Variants in SLC24A2 observed in about 807,000 individuals in gnomAD.
The protein encoded by SLC24A2 is solute carrier family 24 member 2.
SLC24A2 carries 36 observed loss-of-function variants against 62.0 expected under a neutral mutation model. The observed-to-expected ratio is 0.58, with a 90% CI of 0.44 to 0.77. SLC24A2 has a LOEUF of 0.77. Among genes scored for constraint, SLC24A2 ranks in the 30% least tolerant of loss-of-function variants. SLC24A2 has a pLI of 0.00. For synonymous variants in SLC24A2, 358 were observed against 294.0 expected (o/e 1.22, Z -2.23); for missense variants, 846 against 817.9 (o/e 1.03, Z -0.42).
Position 19,546,369 on chromosome 9 carries a change from T to TC in SLC24A2, c.1479+3767dup, listed in dbSNP as rs559665185. On this transcript the variant is annotated intron_variant, in intron 8 of 10. Transcript: ENST00000341998. Reference sequence around the variant, plus strand: ...TGTTTGGGGGTACTGCCTTTTTTTTTCAGTGATGCCCTTGCCAGAGAGGAG... The same window carrying TC: ...TGTTTGGGGGTACTGCCTTTTTTTTTCCAGTGATGCCCTTGCCAGAGAGGAG... Among the ~76,000 whole-genome samples, 13 of 152,290 alleles carry TC rather than the reference T, an allele frequency of 8.5e-5. No individual in the cohort carries two copies. In the East Asian group the frequency reaches 1.9e-3, roughly 23 times the overall value.
At chr9:19,670,217 A>G (rs1272660818) in intron 2 of SLC24A2, among the ~76,000 whole-genome samples, 1 of 152,202 alleles carries the variant, frequency 6.6e-6, no homozygotes, top group Non-Finnish European at 1.5e-5. Context: ...GGTGGTAAGT[A>G]CAAGTAAGAA....
At chr9:20,069,404 A>T in the SLC24A2 span, among the ~76,000 whole-genome samples, 9 of 152,212 alleles carry the variant, frequency 5.9e-5, no homozygotes, top group Non-Finnish European at 7.3e-5. Context: ...ATAATTGGCT[A>T]TTTAAAAAAT....
At chr9:19,861,821 T>C in the SLC24A2 span, among the ~76,000 whole-genome samples, 8 of 152,028 alleles carry the variant, frequency 5.3e-5, no homozygotes, top group Admixed American at 3.9e-4. Flanking sequence ...AGTCTTTTAA[T>C]AGCAGAATTA....
chr9:20,275,391 A>AT, the SLC24A2 span, among the ~76,000 whole-genome samples: 2 of 152,152 alleles, frequency 1.3e-5, no homozygotes, highest in African/African-American at 2.4e-5. Flanking sequence ...TGGTGGTTCT[A>AT]TTTTTTTGTG....
At chr9:20,269,692 A>G in the SLC24A2 span, among the ~76,000 whole-genome samples, 11 of 152,256 alleles carry the variant, frequency 7.2e-5, no homozygotes, top group African/African-American at 2.6e-4. Context: ...TTTTTTTTCA[A>G]TTCCTTAGAG....
intron 2 of SLC24A2, among the ~76,000 whole-genome samples, chr9:19,749,750 A>G (rs964269724): frequency 6.6e-6 from 1 of 151,996 alleles, no homozygotes; most frequent in Admixed American, 6.6e-5. Context: ...AAACTTACCT[A>G]GCATCTCATA....
At chr9:19,670,694 C>A (rs1453201257) in intron 2 of SLC24A2, among the ~76,000 whole-genome samples, 1 of 152,118 alleles carries the variant, frequency 6.6e-6, no homozygotes, top group Non-Finnish European at 1.5e-5. Context: ...CATTCCCAGG[C>A]CCATAAATAT....
At chr9:19,988,283 C>A in the SLC24A2 span, among the ~76,000 whole-genome samples, 1 of 152,190 alleles carries the variant, frequency 6.6e-6, no homozygotes, top group African/African-American at 2.4e-5. Context: ...TTTTGAGCCA[C>A]ACAGCCCCAG....
At chr9:20,287,861 C>T in the SLC24A2 span, among the ~76,000 whole-genome samples, 1 of 152,192 alleles carries the variant, frequency 6.6e-6, no homozygotes, top group African/African-American at 2.4e-5. Context: ...GTCAAACTCC[C>T]TGATATTGGC....
the SLC24A2 span, among the ~76,000 whole-genome samples, chr9:19,853,843 T>A: frequency 3.3e-5 from 5 of 152,206 alleles, no homozygotes; most frequent in Admixed American, 1.3e-4. Context: ...GAGGAGTCTA[T>A]CCTTTTCAAT....
the SLC24A2 span, among the ~76,000 whole-genome samples, chr9:20,066,596 A>G: frequency 6.6e-6 from 1 of 152,202 alleles, no homozygotes; most frequent in Non-Finnish European, 1.5e-5. Flanking sequence ...GCCCAGCTTT[A>G]TGACATATTT....
chr9:19,750,851 G>A (rs567193503), intron 2 of SLC24A2, among the ~76,000 whole-genome samples: 45 of 152,210 alleles, frequency 3.0e-4, no homozygotes, highest in African/African-American at 1.1e-3. Flanking sequence ...ACATCAAGAT[G>A]ACTTTGCACA....
the SLC24A2 span, among the ~76,000 whole-genome samples, chr9:20,160,879 CAA>C: frequency 6.7e-6 from 1 of 149,276 alleles, no homozygotes; most frequent in African/African-American, 2.4e-5. Flanking sequence ...AAAGAAAACA[CAA>C]AAAAGATCAG....
chr9:19,931,439 C>A, the SLC24A2 span, among the ~76,000 whole-genome samples: 1 of 152,226 alleles, frequency 6.6e-6, no homozygotes, highest in South Asian at 2.1e-4. Context: ...TCTGATCACA[C>A]AAAAATCTAT....
At chr9:19,641,920 G>A (rs1818505412) in intron 2 of SLC24A2, among the ~76,000 whole-genome samples, 1 of 151,870 alleles carries the variant, frequency 6.6e-6, no homozygotes, top group African/African-American at 2.4e-5. Context: ...AGCAAATCCT[G>A]TCAATTTTGC....
the SLC24A2 span, among the ~76,000 whole-genome samples, chr9:19,828,636 C>G: frequency 1.3e-5 from 2 of 152,090 alleles, no homozygotes; most frequent in South Asian, 2.1e-4. Flanking sequence ...CCCTTACTCT[C>G]CCCACCCCCA....
rs539670624 is a variant in SLC24A2 at position 19,605,515 on chromosome 9, A to G, written c.1079-8236T>C. 2.0e-5 allele frequency among the ~76,000 whole-genome samples: 3 copies of G among 152,362 alleles called. No individual in the cohort carries two copies. In the South Asian group the frequency reaches 6.2e-4, roughly 32 times the overall value. ...CTTTTGCTCAATGAGAAGCTGATGA[A>G]TAGAAAATCGGTTCCCATGTTATCT... On this transcript the variant is annotated intron_variant, in intron 4 of 10. Transcript: ENST00000341998.
the SLC24A2 span, among the ~76,000 whole-genome samples, chr9:20,199,898 T>G: frequency 2.0e-5 from 3 of 149,816 alleles, no homozygotes; most frequent in South Asian, 6.4e-4. Context: ...TTTTTTTTTT[T>G]TTTTTGTATT....
chr9:19,958,847 C>G, the SLC24A2 span, among the ~76,000 whole-genome samples: 1 of 152,086 alleles, frequency 6.6e-6, no homozygotes, highest in Admixed American at 6.5e-5. Flanking sequence ...TTTTAATAAA[C>G]GCAAGGTAAA....
Sources: allele counts gnomAD v4.1 joint callset (sites outside exome capture counted in the v4.1 genomes callset), GRCh38; gene constraint gnomAD v4.1.1; transcripts MANE v1.5; gene names NCBI Gene and HGNC (gene_info 2026-07-23, HGNC 2026-07-21).